The following KCNMA1 variants were observed in gnomAD, a reference collection of about 807,000 sequenced individuals.
KCNMA1 encodes Calcium-activated potassium channel subunit alpha-1.
Under a neutral mutation model 140.0 loss-of-function variants are expected in KCNMA1, and 29 were observed. The ratio of observed to expected loss-of-function variants is 0.21; its 90% CI spans 0.15 to 0.28. KCNMA1 has a LOEUF of 0.28. Among genes scored for constraint, KCNMA1 ranks in the 10% least tolerant of loss-of-function variants. KCNMA1 has a pLI of 1.00. For synonymous variants in KCNMA1, 612 were observed against 611.9 expected (o/e 1.00, Z 0.00); for missense variants, 880 against 1,602.2 (o/e 0.55, Z 7.70).
At chr10:77,603,384 G>A (rs2083338317) in intron 1 of KCNMA1, among the ~76,000 whole-genome samples, 1 of 152,082 alleles carries the variant, frequency 6.6e-6, no homozygotes, top group Admixed American at 6.5e-5. Context: ...ATGCGTCCAT[G>A]GATCATGAGG....
intron 2 of KCNMA1, among the ~76,000 whole-genome samples, chr10:77,334,203 C>G (rs868289078): frequency 2.6e-5 from 4 of 152,056 alleles, no homozygotes; most frequent in Non-Finnish European, 5.9e-5. Context: ...TTATCTCATT[C>G]GCTCACCGCT....
At chr10:77,254,224 C>CTT (rs11402076) in intron 2 of KCNMA1, among the ~76,000 whole-genome samples, 22,365 of 140,372 alleles carry the variant, frequency 0.16, 2,210 homozygotes, top group Middle Eastern at 0.23. Flanking sequence ...GAAATATACT[C>CTT]TTTTTTTTTT....
At chr10:77,106,499 C>A (rs374999281) in intron 9 of KCNMA1, among the ~76,000 whole-genome samples, 1 of 151,630 alleles carries the variant, frequency 6.6e-6, no homozygotes, top group East Asian at 1.9e-4. Context: ...CCAGCCCACC[C>A]ACCAGCTCAC....
intron 14 of KCNMA1, among the ~76,000 whole-genome samples, chr10:77,054,097 T>G (rs990886647): frequency 6.6e-6 from 1 of 152,170 alleles, no homozygotes; most frequent in Non-Finnish European, 1.5e-5. Flanking sequence ...TGGGTACTTA[T>G]AGCAGGGAAA....
rs141159154 is a variant in KCNMA1 at position 77,108,811 on chromosome 10, C to T, written c.1132-239G>A. On this transcript the variant is annotated intron_variant, in intron 8 of 27. Coordinates refer to ENST00000286628, the MANE Select transcript of KCNMA1 (RefSeq NM_001161352.2). The surrounding 1 kb of genome is among the most constrained non-coding windows in gnomAD (Gnocchi z 4.6). ...CTAAAGAACAAAAAAAAATCACAGT[C>T]GAGAAAAATACAAAGGCGACAGGAA... 6.6e-5 allele frequency among the ~76,000 whole-genome samples: 10 copies of T among 151,952 alleles called. No individual in the cohort carries two copies. In the East Asian group the frequency reaches 1.7e-3, roughly 26 times the overall value.
intron 18 of KCNMA1, among the ~76,000 whole-genome samples, chr10:77,011,357 G>A (rs1160388789): frequency 1.3e-5 from 2 of 152,162 alleles, no homozygotes; most frequent in East Asian, 3.9e-4. Context: ...AGAAACAACT[G>A]AGCCCAGTCT....
intron 26 of KCNMA1, 109 bp downstream of exon 26, chr10:76,891,416 A>T (rs2040022145): frequency 3.8e-6 from 3 of 797,806 alleles, no homozygotes; most frequent in Non-Finnish European, 6.4e-6. Flanking sequence ...TATCTACAAT[A>T]GGAAGGAGAA....
At chr10:77,227,395 A>G (rs1239131578) in intron 3 of KCNMA1, among the ~76,000 whole-genome samples, 1 of 152,208 alleles carries the variant, frequency 6.6e-6, no homozygotes, top group Non-Finnish European at 1.5e-5. Context: ...AGGTACTGCC[A>G]GATGCAAATT....
intron 1 of KCNMA1, among the ~76,000 whole-genome samples, chr10:77,588,671 T>A (rs2078025265): frequency 6.6e-6 from 1 of 152,094 alleles, no homozygotes; most frequent in Non-Finnish European, 1.5e-5. Flanking sequence ...TCACCACAGA[T>A]CAACGAACTC....
chr10:77,530,378 C>G (rs565244479), intron 1 of KCNMA1, among the ~76,000 whole-genome samples: 2 of 152,162 alleles, frequency 1.3e-5, no homozygotes, highest in African/African-American at 4.8e-5. Context: ...TAATTTTTCC[C>G]TTTTGTAAAA....
At chr10:77,441,869 C>A (rs1420550483) in intron 1 of KCNMA1, among the ~76,000 whole-genome samples, 1 of 151,526 alleles carries the variant, frequency 6.6e-6, no homozygotes, top group Non-Finnish European at 1.5e-5. Flanking sequence ...GTCTTGCAAA[C>A]AAAGAGAGGG....
chr10:76,879,103 G>A lies in KCNMA1; in HGVS notation c.3428-1213C>T, dbSNP rs540753705. Among the ~76,000 whole-genome samples the A allele has an allele frequency of 1.2e-4, 18 of 152,174 alleles. No individual in the cohort carries two copies. The South Asian group carries it at 3.7e-3, about 32-fold the overall frequency. On this transcript the variant is annotated intron_variant, in intron 29 of 29. Coordinates refer to the KCNMA1 transcript ENST00000372403. ...CACCTGGTTTGATAGGGGGCGTTGG[G>A]GGTGGGGTATGTGCATGTTTGGCTA...
At chr10:76,926,124 A>G (rs1368348830) in intron 23 of KCNMA1, among the ~76,000 whole-genome samples, 2 of 152,138 alleles carry the variant, frequency 1.3e-5, no homozygotes, top group South Asian at 2.1e-4. Context: ...TCCCACATAC[A>G]TACACACACG....
chr10:77,502,359 G>T (rs954575158), intron 1 of KCNMA1, among the ~76,000 whole-genome samples: 1 of 152,112 alleles, frequency 6.6e-6, no homozygotes, highest in African/African-American at 2.4e-5. Context: ...GTACTCTTGA[G>T]CCACCCACCT....
downstream of KCNMA1, among the ~76,000 whole-genome samples, chr10:76,883,721 GTTT>G (rs113872996): frequency 0.019 from 2,106 of 113,172 alleles, 35 homozygotes; most frequent in African/African-American, 0.059. Flanking sequence ...TTACTTCCTT[GTTT>G]TTTTTTTTTT....
At chr10:77,448,788 G>A (rs751555459) in intron 1 of KCNMA1, among the ~76,000 whole-genome samples, 72 of 152,218 alleles carry the variant, frequency 4.7e-4, no homozygotes, top group Non-Finnish European at 1.0e-3. Context: ...TTAATTTGAT[G>A]TAACAAAATA....
rs1412809622 is a variant in KCNMA1, at chr10:77,108,051, A to G, written c.1223+430T>C. On this transcript the variant is annotated intron_variant, in intron 9 of 27. Coordinates refer to ENST00000286628, the MANE Select transcript of KCNMA1 (RefSeq NM_001161352.2). The surrounding 1 kb of genome is among the most constrained non-coding windows in gnomAD (Gnocchi z 4.6). Reference sequence around the variant, plus strand: ...CAGAAGAGAAAATATGGGCCCAGTTATAAATGGACTCCTTTCAGGATAAAT... The same window carrying G: ...CAGAAGAGAAAATATGGGCCCAGTTGTAAATGGACTCCTTTCAGGATAAAT... Among the ~76,000 whole-genome samples the G allele has an allele frequency of 6.6e-6, 1 of 152,240 alleles. No homozygotes were observed. The highest frequency in any genetic ancestry group is 1.5e-5 in the Non-Finnish European group (1 of 68,050).
intron 25 of KCNMA1, among the ~76,000 whole-genome samples, chr10:76,893,972 T>C (rs929023070): frequency 1.6e-4 from 25 of 152,040 alleles, no homozygotes; most frequent in African/African-American, 6.0e-4. Flanking sequence ...TTTGTAAAAA[T>C]GGAAAAATTG....
chr10:77,560,893 G>A (rs1420180141), intron 1 of KCNMA1, among the ~76,000 whole-genome samples: 3 of 152,170 alleles, frequency 2.0e-5, no homozygotes, highest in Non-Finnish European at 4.4e-5. Context: ...TGAGGCTCCA[G>A]CAAACAACTA....
Sources: gnomAD v4.1 joint callset for allele counts (sites outside exome capture counted in the v4.1 genomes callset) on GRCh38, gnomAD v4.1.1 for gene constraint, Gnocchi (gnomAD v3.1) non-coding constraint, MANE v1.5 for transcripts, NCBI Gene and HGNC (gene_info 2026-07-23, HGNC 2026-07-21) for gene names.